Variants in CELSR1 observed in about 807,000 individuals in gnomAD.
CELSR1 encodes the protein cadherin EGF LAG seven-pass G-type receptor 1.
CELSR1 carries 110 observed loss-of-function variants against 249.1 expected under a neutral mutation model. That is an observed-to-expected ratio of 0.44 (90% confidence interval 0.38 to 0.52). CELSR1 has a LOEUF of 0.52. Ranked by LOEUF, CELSR1 falls within the 20% of genes least tolerant of loss-of-function variation. The probability of loss-of-function intolerance (pLI) is 0.00; values close to 1 mark genes in which losing one functional copy is unlikely to be tolerated. For synonymous variants in CELSR1, 2,113 were observed against 1,900.0 expected, an observed-to-expected ratio of 1.11 and a Z score of -2.92; for missense variants, 4,109 against 4,296.4, an observed-to-expected ratio of 0.96 and a Z score of 1.22.
chr22:46,363,328 G>C lies in CELSR1; in HGVS notation c.9036-81C>G, dbSNP rs560027124. ...GGTGGGGCCCAAGGTTGTCACACGGGGGGGCAGGATCACCCCATCAGGGTA... is the reference window on the plus strand; with the variant it reads ...GGTGGGGCCCAAGGTTGTCACACGGCGGGGCAGGATCACCCCATCAGGGTA... On this transcript the variant is annotated intron_variant, in intron 34 of 34. Coordinates refer to ENST00000674500, the MANE Select transcript of CELSR1 (RefSeq NM_001378328.1). This position sits in a 1 kb window ranked among gnomAD's most constrained non-coding sequence, Gnocchi z 4.3. 8,868 of 1,243,428 alleles carry C rather than the reference G, an allele frequency of 7.1e-3. 51 individuals carry two copies. Among genetic ancestry groups the C allele is most frequent in the Non-Finnish European group, 8.8e-3 (7,624 of 866,828 alleles). The allele number at this position is 1,243,428 out of a possible 1,614,324, so 77.0% of individuals were successfully genotyped here. A position where few individuals can be genotyped will look rare whatever the true frequency, so the allele number is the denominator to read the frequency against.
intron 1 of CELSR1, among the ~76,000 whole-genome samples, chr22:46,476,283 T>C (rs1477429989): frequency 6.6e-6 from 1 of 152,080 alleles, no homozygotes; most frequent in Non-Finnish European, 1.5e-5. Context: ...ATTCATACAA[T>C]GGAATATTAT....
intron 25 of CELSR1, among the ~76,000 whole-genome samples, chr22:46,371,658 T>A (rs563715640): frequency 6.1e-5 from 9 of 148,338 alleles, no homozygotes; most frequent in East Asian, 2.1e-4. Flanking sequence ...CACCCACTCA[T>A]CTCTCCATCC....
chr22:46,414,722 C>T (rs1467149235), intron 5 of CELSR1, among the ~76,000 whole-genome samples: 2 of 152,228 alleles, frequency 1.3e-5, no homozygotes, highest in African/African-American at 2.4e-5. Flanking sequence ...GACGCACAGA[C>T]GGGGGTCCCC....
intron 25 of CELSR1, among the ~76,000 whole-genome samples, chr22:46,371,268 G>C (rs1034563376): frequency 6.6e-6 from 1 of 151,178 alleles, no homozygotes; most frequent in Non-Finnish European, 1.5e-5. Flanking sequence ...ACGTTGCTGT[G>C]GAGACCAGGA....
At position 46,506,805 on chromosome 22, in the gene CELSR1, G is replaced by A. The variant is rs2080519391; in HGVS notation, c.3544+26822C>T. On this transcript the variant is annotated intron_variant, in intron 1 of 34. Coordinates refer to ENST00000674500, the MANE Select transcript of CELSR1 (RefSeq NM_001378328.1). The surrounding 1 kb of genome is among the most constrained non-coding windows in gnomAD (Gnocchi z 4.1). ...CCGGAAAGATGCCCGATAACAGGAA[G>A]CTGAGGCCAAGCCCGGGGGTGTCTT... 6.6e-6 allele frequency among the ~76,000 whole-genome samples: 1 copy of A among 152,232 alleles called. No individual in the cohort carries two copies. The highest frequency in any genetic ancestry group is 1.5e-5 in the Non-Finnish European group (1 of 68,046).
intron 9 of CELSR1, among the ~76,000 whole-genome samples, chr22:46,405,332 G>C (rs8136879): frequency 0.098 from 14,744 of 150,992 alleles, 2,211 homozygotes; most frequent in African/African-American, 0.33. Flanking sequence ...TCGTGGCAGG[G>C]GCCTGTAGCC....
chr22:46,397,730 G>A lies in CELSR1; in HGVS notation c.5645C>T (p.Pro1882Leu). 2 of 1,590,070 alleles carry A rather than the reference G, an allele frequency of 1.3e-6. No individual in the cohort carries two copies. The highest frequency in any genetic ancestry group is 1.7e-6 in the Non-Finnish European group (2 of 1,167,118). Residue 1882 changes from proline (P) to leucine (L), a missense_variant, in exon 12 of 35, where the codon CCC becomes CTC. Physicochemically the swap from Pro to Leu is moderately conservative, Grantham distance 98. This residue lies in a region of CELSR1 where 1,805 missense variants were observed against 1,831.6 expected (regional missense o/e 0.99). Coordinates refer to ENST00000674500, the MANE Select transcript of CELSR1 (RefSeq NM_001378328.1). The stretch of plus-strand genomic sequence containing the variant: ...GGCGTCGTGGCAGCGGCTATTGGGG[G>A]GACAGGGGCTCGAGGTACAGGGGTC... ...VDDPCTSSPC[P>L]PNSRCHDAWE...
At chr22:46,515,445 A>G (rs2080617061) in intron 1 of CELSR1, among the ~76,000 whole-genome samples, 1 of 152,106 alleles carries the variant, frequency 6.6e-6, no homozygotes, top group African/African-American at 2.4e-5. Flanking sequence ...CACCTTAAAC[A>G]CAAACTCTAT....
chr22:46,373,580 G>A lies in CELSR1; in HGVS notation c.7585-523C>T, dbSNP rs910929352. On this transcript the variant is annotated intron_variant, in intron 24 of 34. Coordinates refer to ENST00000674500, the MANE Select transcript of CELSR1 (RefSeq NM_001378328.1). ...TGCCCCAGCCAGTGCTCCCAAAGCT[G>A]CCGCCAGCTGGGAGAGGATGGCAGG... Among the ~76,000 whole-genome samples, 7 of 149,874 alleles carry A rather than the reference G, an allele frequency of 4.7e-5. No homozygotes were observed. The South Asian group carries it at 6.3e-4, about 13-fold the overall frequency.
At position 46,417,520 on chromosome 22, in the gene CELSR1, C is replaced by T. The variant is rs113541962; in HGVS notation, c.4612-5761G>A. On this transcript the variant is annotated intron_variant, in intron 5 of 34. Transcript: ENST00000674500. The surrounding 1 kb of genome is among the most constrained non-coding windows in gnomAD (Gnocchi z 4.1). ...CCTGGCTCGAAGGGTGCGGTATTCC[C>T]CCAGGGCTGTCAGCAGCAAACCGTC... 2.5e-3 allele frequency among the ~76,000 whole-genome samples: 386 copies of T among 152,290 alleles called. 1 individual carries two copies. The highest frequency in any genetic ancestry group is 8.3e-3 in the African/African-American group (343 of 41,558).
chr22:46,466,615 G>A (rs3788703), intron 1 of CELSR1, among the ~76,000 whole-genome samples: 58,815 of 152,064 alleles, frequency 0.39, 12,036 homozygotes, highest in South Asian at 0.52. Flanking sequence ...TAGATAATAC[G>A]ACCAGAGTTG....
intron 2 of CELSR1, among the ~76,000 whole-genome samples, chr22:46,449,216 C>T (rs2079853729): frequency 6.6e-6 from 1 of 151,440 alleles, no homozygotes; most frequent in Admixed American, 6.6e-5. Flanking sequence ...CATCCGACCA[C>T]CCATCACACA....
chr22:46,381,175 T>C lies in CELSR1; in HGVS notation c.7089-220A>G, dbSNP rs571960405. 2.3e-3 allele frequency among the ~76,000 whole-genome samples: 348 copies of C among 152,106 alleles called. 2 individuals are homozygous for C. Among genetic ancestry groups the C allele is most frequent in the African/African-American group, 8.1e-3 (335 of 41,492 alleles). On this transcript the variant is annotated intron_variant, in intron 21 of 34. Transcript: ENST00000674500. This position sits in a 1 kb window ranked among gnomAD's most constrained non-coding sequence, Gnocchi z 6.0. ...AGAGAGGTGTCACCTTTGGGTCAAA[T>C]TGGGACTTCAGAAATTTAAAAAGAA... is the stretch of plus-strand genomic sequence containing the variant.
intron 25 of CELSR1, among the ~76,000 whole-genome samples, chr22:46,371,211 T>C (rs1051807286): frequency 1.3e-5 from 2 of 152,060 alleles, no homozygotes; most frequent in Non-Finnish European, 2.9e-5. Flanking sequence ...ATGAGTCACA[T>C]CAGAACACCC....
chr22:46,373,889 G>A (rs1230855240), intron 24 of CELSR1, among the ~76,000 whole-genome samples: 1 of 152,168 alleles, frequency 6.6e-6, no homozygotes, highest in Non-Finnish European at 1.5e-5. Context: ...AGCGTAGGAG[G>A]AGAACGAGGG....
At position 46,410,300 on chromosome 22, in the gene CELSR1, G is replaced by A. The variant is rs73890413; in HGVS notation, c.4933+98C>T. The A allele has an allele frequency of 1.3e-3, 1,836 of 1,455,160 alleles. 16 individuals carry two copies. In the African/African-American group the frequency reaches 0.022, roughly 18 times the overall value. The allele number at this position is 1,455,160 out of a possible 1,614,324, so 90.1% of individuals were successfully genotyped here. On this transcript the variant is annotated intron_variant, in intron 7 of 34. Transcript: ENST00000674500. This position sits in a 1 kb window ranked among gnomAD's most constrained non-coding sequence, Gnocchi z 6.8. ...ACACATACATTTCTAAGAAAAACAC[G>A]GCTCCCCAGGGATCTGCAAGCAGTG... is the stretch of plus-strand genomic sequence containing the variant.
chr22:46,424,704 G>A (rs1311645415), intron 5 of CELSR1, among the ~76,000 whole-genome samples: 1 of 152,164 alleles, frequency 6.6e-6, no homozygotes, highest in South Asian at 2.1e-4. Context: ...CAGGTGCAGT[G>A]GCTTATGCCT....
rs928229642 is a variant in CELSR1, at chr22:46,374,892, C to G, written c.7585-1835G>C. ...GCCCCGCACACGGAGCCCCCGCCAGCCCGGGGCCTCGGCCTCGGGAAGCAC... is the reference window on the plus strand; with the variant it reads ...GCCCCGCACACGGAGCCCCCGCCAGGCCGGGGCCTCGGCCTCGGGAAGCAC... On this transcript the variant is annotated intron_variant, in intron 24 of 34. Coordinates refer to ENST00000674500, the MANE Select transcript of CELSR1 (RefSeq NM_001378328.1). The surrounding 1 kb of genome is among the most constrained non-coding windows in gnomAD (Gnocchi z 4.3). Among the ~76,000 whole-genome samples the G allele has an allele frequency of 2.0e-4, 31 of 152,286 alleles. No homozygotes were observed. The highest frequency in any genetic ancestry group is 6.7e-4 in the African/African-American group (28 of 41,564).
chr22:46,365,098 C>T, intron 32 of CELSR1, 133 bp downstream of exon 32: 2 of 1,289,068 alleles, frequency 1.6e-6, no homozygotes, highest in Non-Finnish European at 2.1e-6. Context: ...GTCCCCCCAC[C>T]CCAGGCTGTC....
Sources: allele counts gnomAD v4.1 joint callset (sites outside exome capture counted in the v4.1 genomes callset), GRCh38; gene constraint gnomAD v4.1.1; regional missense constraint gnomAD v4.1.1; non-coding constraint Gnocchi (gnomAD v3.1); transcripts MANE v1.5; gene names NCBI Gene and HGNC (gene_info 2026-07-23, HGNC 2026-07-21).